Variants in SVEP1 observed in about 807,000 individuals in gnomAD.
The protein encoded by SVEP1 is sushi, von Willebrand factor type A, EGF and pentraxin domain-containing protein 1.
In SVEP1, 164 loss-of-function variants were observed where a neutral mutation model predicts 367.3. That is an observed-to-expected ratio of 0.45 (90% CI 0.39 to 0.51). The LOEUF is 0.51. SVEP1 is among the 20% of genes least tolerant of loss of function. The pLI is 0.00. For synonymous variants in SVEP1, 1,666 were observed against 1,611.6 expected (o/e 1.03, Z -0.81); for missense variants, 4,117 against 4,425.3 (o/e 0.93, Z 1.98).
At chr9:110,388,731 G>C (rs1391022572) in intron 41 of SVEP1, among the ~76,000 whole-genome samples, 2 of 152,174 alleles carry the variant, frequency 1.3e-5, no homozygotes, top group Non-Finnish European at 2.9e-5. Flanking sequence ...CACTTTGGGA[G>C]GCTGAGGAGC....
intron 2 of SVEP1, 140 bp from the exon 3 acceptor site, chr9:110,546,431 C>A (rs900479305): frequency 3.1e-6 from 3 of 963,286 alleles, no homozygotes; most frequent in Admixed American, 5.3e-5. Context: ...CTGCTCCCAC[C>A]CAAATACGAA....
chr9:110,416,687 CAATA>C (rs1828125986), intron 36 of SVEP1, among the ~76,000 whole-genome samples: 2 of 151,904 alleles, frequency 1.3e-5, no homozygotes, highest in Non-Finnish European at 2.9e-5. Flanking sequence ...AGATGAATGA[CAATA>C]AATACACCAT....
Position 110,550,048 on chromosome 9 carries a change from A to C in SVEP1, c.588T>G (p.Asp196Glu). The C allele has an allele frequency of 6.2e-7, 1 of 1,614,050 alleles. No homozygotes were observed. Among genetic ancestry groups the C allele is most frequent in the Non-Finnish European group, 8.5e-7 (1 of 1,179,896 alleles). The change falls in exon 2 of 48, where the codon GAT becomes GAG. Residue 196 changes from aspartate to glutamate, a missense_variant. Physicochemically the swap from Asp to Glu is conservative, Grantham distance 45. Coordinates refer to ENST00000374469, the MANE Select transcript of SVEP1 (RefSeq NM_153366.4). ...NSTKVVFLIT[D>E]GYSNGGDPRP... is the part of the protein sequence containing the mutation. Reference sequence around the variant, plus strand: ...TAGGGTCTCCCCCATTGGAATATCCATCAGTGATGAGAAATACAACTTTTG... The same window carrying C: ...TAGGGTCTCCCCCATTGGAATATCCCTCAGTGATGAGAAATACAACTTTTG...
chr9:110,575,521 T>C (rs1450209293), intron 1 of SVEP1, among the ~76,000 whole-genome samples: 5 of 152,132 alleles, frequency 3.3e-5, no homozygotes, highest in African/African-American at 7.2e-5. Context: ...GCTGCAAAAC[T>C]ATACCCTGCC....
intron 3 of SVEP1, among the ~76,000 whole-genome samples, chr9:110,515,911 C>T (rs1829793188): frequency 1.3e-5 from 2 of 151,848 alleles, no homozygotes; most frequent in East Asian, 3.9e-4. Context: ...TATTATTAAT[C>T]CCATTTGCAG....
chr9:110,458,057 A>T (rs2118634124), intron 20 of SVEP1: 1 of 452,610 alleles, frequency 2.2e-6, no homozygotes, highest in South Asian at 1.6e-5. Flanking sequence ...CTTTTCCCCA[A>T]GAAATCTTTT....
At chr9:110,396,632 A>G (rs1238649956) in intron 40 of SVEP1, among the ~76,000 whole-genome samples, 1 of 148,530 alleles carries the variant, frequency 6.7e-6, no homozygotes, top group East Asian at 2.0e-4. Context: ...AGAAGAATCA[A>G]ATAGACACAA....
intron 2 of SVEP1, among the ~76,000 whole-genome samples, chr9:110,548,875 C>A (rs1830250541): frequency 6.6e-6 from 1 of 152,164 alleles, no homozygotes; most frequent in East Asian, 1.9e-4. Flanking sequence ...GTAATTCTAG[C>A]ACTTTGGGAG....
intron 46 of SVEP1, among the ~76,000 whole-genome samples, chr9:110,372,622 T>C (rs1031271283): frequency 6.6e-6 from 1 of 152,210 alleles, no homozygotes. Flanking sequence ...TATTGTGATA[T>C]TGAACAAGTT....
At chr9:110,392,890 G>C (rs780946077) in intron 40 of SVEP1, among the ~76,000 whole-genome samples, 8 of 152,154 alleles carry the variant, frequency 5.3e-5, no homozygotes, top group Non-Finnish European at 1.0e-4. Context: ...TCGATGTGTA[G>C]TCTTTGTTAG....
intron 6 of SVEP1, among the ~76,000 whole-genome samples, chr9:110,500,427 T>TA (rs1236373802): frequency 6.6e-6 from 1 of 152,228 alleles, no homozygotes; most frequent in Admixed American, 6.5e-5. Flanking sequence ...TTATGGTACT[T>TA]ACGGTGAGCG....
At chr9:110,494,842 CT>C (rs1180703032) in intron 8 of SVEP1, among the ~76,000 whole-genome samples, 37 of 151,314 alleles carry the variant, frequency 2.4e-4, no homozygotes, top group Middle Eastern at 6.8e-3. Flanking sequence ...CAATTATTTA[CT>C]TTTTTCATGC....
intron 1 of SVEP1, among the ~76,000 whole-genome samples, chr9:110,567,149 G>A (rs1830502512): frequency 6.6e-6 from 1 of 152,112 alleles, no homozygotes; most frequent in Non-Finnish European, 1.5e-5. Flanking sequence ...ATCCTTTCAA[G>A]AATTCTAAAG....
In SVEP1 at chr9:110,568,554, A is replaced by G. The variant is rs77209370; in HGVS notation, c.531+10459T>C. ...GATAAATTGTGAATGCTCTATGTTC[A>G]GAGAAAAAGGCCTGTGAAGAGGAAG... On this transcript the variant is annotated intron_variant, in intron 1 of 47. Transcript: ENST00000374469. Among the ~76,000 whole-genome samples the G allele has an allele frequency of 1.5e-4, 23 of 152,256 alleles. No homozygotes were observed. In the South Asian group the frequency reaches 3.7e-3, roughly 25 times the overall value.
chr9:110,539,776 A>T (rs1406629888), intron 3 of SVEP1, among the ~76,000 whole-genome samples: 2 of 151,998 alleles, frequency 1.3e-5, no homozygotes, highest in African/African-American at 4.8e-5. Flanking sequence ...CGATTTTAGT[A>T]TATATGCTGC....
chr9:110,534,195 T>C (rs1347565055), intron 3 of SVEP1, among the ~76,000 whole-genome samples: 1 of 152,146 alleles, frequency 6.6e-6, no homozygotes, highest in African/African-American at 2.4e-5. Flanking sequence ...CACCCTCAAG[T>C]AGGCCCCAGT....
chr9:110,400,414 T>C (rs1206975406), intron 40 of SVEP1, among the ~76,000 whole-genome samples: 2 of 152,068 alleles, frequency 1.3e-5, no homozygotes, highest in African/African-American at 2.4e-5. Flanking sequence ...CCTCCCAGGC[T>C]GGAGTGCAGT....
chr9:110,510,977 T>A (rs1469846264), intron 5 of SVEP1, among the ~76,000 whole-genome samples: 1 of 152,088 alleles, frequency 6.6e-6, no homozygotes, highest in Non-Finnish European at 1.5e-5. Context: ...AAATCTAGGG[T>A]CTATTCTTTT....
chr9:110,574,767 G>GATA (rs1554724484), intron 1 of SVEP1, among the ~76,000 whole-genome samples: 1 of 92,680 alleles, frequency 1.1e-5, no homozygotes, highest in African/African-American at 5.6e-5. Context: ...TTTTTTTTTT[G>GATA]AGGAGTCTCA....
Sources: gnomAD v4.1 joint callset for allele counts (sites outside exome capture counted in the v4.1 genomes callset) on GRCh38, gnomAD v4.1.1 for gene constraint, MANE v1.5 for transcripts, NCBI Gene and HGNC (gene_info 2026-07-23, HGNC 2026-07-21) for gene names.